Variants in TCF12 observed in about 807,000 individuals in gnomAD.
TCF12 encodes the protein DNA-binding protein HTF4.
A neutral mutation model predicts 86.0 loss-of-function variants in TCF12; 45 were observed. That is an observed-to-expected ratio of 0.52 (90% CI 0.41 to 0.67). TCF12 has a LOEUF of 0.67. Among genes scored for constraint, TCF12 ranks in the 30% least tolerant of loss-of-function variants. The pLI, the probability that TCF12 is intolerant of heterozygous loss-of-function variation, is 0.00. For missense variants in TCF12, 881 were observed against 859.9 expected, an observed-to-expected ratio of 1.02 and a Z score of -0.31; for synonymous variants, 330 against 299.6, an observed-to-expected ratio of 1.10 and a Z score of -1.05.
intron 4 of TCF12, among the ~76,000 whole-genome samples, chr15:57,072,201 C>A (rs1451446855): frequency 2.0e-5 from 3 of 152,030 alleles, no homozygotes; most frequent in South Asian, 2.1e-4. Flanking sequence ...TAAGAAATTT[C>A]ACAAAGGGGA....
rs34069853 is a variant in TCF12, at chr15:57,086,705, TAAA to T, written c.223-5066_223-5064del. 1.6e-3 allele frequency among the ~76,000 whole-genome samples: 165 copies of T among 105,570 alleles called. 2 individuals carry two copies. Among genetic ancestry groups the T allele is most frequent in the African/African-American group, 4.1e-3 (117 of 28,542 alleles). 69.3% of individuals were successfully genotyped at this position (105,570 alleles called of 152,430 possible). On this transcript the variant is annotated intron_variant, in intron 4 of 20. Transcript: ENST00000333725. The stretch of plus-strand genomic sequence containing the variant: ...TTCAAAGAGCCTCTTTCCCTCCCTT[TAAA>T]AAAAAAAAAAAAAAAAAGGCCATTG...
At chr15:56,930,412 C>G (rs1201188705) in intron 3 of TCF12, among the ~76,000 whole-genome samples, 3 of 152,184 alleles carry the variant, frequency 2.0e-5, no homozygotes, top group Non-Finnish European at 4.4e-5. Context: ...CTGCAGGATC[C>G]TTTTAGGTTT....
rs147746433 is a variant in TCF12 at position 57,178,190 on chromosome 15, A to G, written c.390+11724A>G. On this transcript the variant is annotated intron_variant, in intron 6 of 20. Coordinates refer to ENST00000333725, the MANE Select transcript of TCF12 (RefSeq NM_207037.2). ...GTAACAAGGGGTAGGAGATGGCAGA[A>G]CAAATGAAGCCGGAACAACAGAATG... Among the ~76,000 whole-genome samples, 6 of 152,340 alleles carry G rather than the reference A, an allele frequency of 3.9e-5. No homozygotes were observed. The East Asian group carries it at 1.2e-3, about 29-fold the overall frequency.
Position 57,253,297 on chromosome 15 carries a change from T to G in TCF12, c.1296T>G (p.Asp432Glu). Residue 432 changes from aspartate to glutamate, a missense_variant, in exon 16 of 21, where the codon GAT (aspartate) becomes GAG (glutamate). Transcript: ENST00000333725. Reference sequence around the variant, plus strand: ...TGGAGGATCGTTTAGACAGACTGGATGATGCAATCCATGTGCTGCGGAACC... The same window carrying G: ...TGGAGGATCGTTTAGACAGACTGGAGGATGCAATCCATGTGCTGCGGAACC... Reference protein sequence around the residue: ...SRMEDRLDRLDDAIHVLRNHA... With the variant: ...SRMEDRLDRLEDAIHVLRNHA... 2 of 1,614,030 alleles carry G rather than the reference T, an allele frequency of 1.2e-6. No homozygotes were observed. Among genetic ancestry groups the G allele is most frequent in the South Asian group, 2.2e-5 (2 of 91,080 alleles).
chr15:57,227,451 A>G (rs1280186716), intron 8 of TCF12, among the ~76,000 whole-genome samples: 1 of 152,120 alleles, frequency 6.6e-6, no homozygotes, highest in Non-Finnish European at 1.5e-5. Context: ...GTTTGACTCA[A>G]ATTTGTTGTA....
chr15:57,197,391 C>T (rs1316310415), intron 7 of TCF12, among the ~76,000 whole-genome samples: 2 of 152,176 alleles, frequency 1.3e-5, no homozygotes, highest in East Asian at 3.9e-4. Context: ...CTCCTGACCT[C>T]AGGTGATCCG....
intron 6 of TCF12, among the ~76,000 whole-genome samples, chr15:57,191,902 C>G (rs1449276360): frequency 6.6e-6 from 1 of 151,502 alleles, no homozygotes; most frequent in African/African-American, 2.4e-5. Flanking sequence ...CCACTACACT[C>G]CAGCCTGGGC....
In TCF12 at chr15:57,033,954, G is replaced by A. The variant is rs370896237; in HGVS notation, c.149-29796G>A. Among the ~76,000 whole-genome samples the A allele has an allele frequency of 5.3e-5, 8 of 152,276 alleles. No individual in the cohort carries two copies. The East Asian group carries it at 1.5e-3, about 29-fold the overall frequency. ...CTCTCTAAAAGAATGTTTACCTAAA[G>A]CTATTCATCCTGCAGACTTGTTTAA... On this transcript the variant is annotated intron_variant, in intron 3 of 20. Coordinates refer to ENST00000333725, the MANE Select transcript of TCF12 (RefSeq NM_207037.2).
chr15:57,158,257 C>T (rs2054262976), intron 5 of TCF12, among the ~76,000 whole-genome samples: 2 of 147,214 alleles, frequency 1.4e-5, no homozygotes, highest in South Asian at 4.4e-4. Flanking sequence ...GGACTCACTG[C>T]AGCCTCGACT....
chr15:57,138,043 A>ATAAATAT (rs34159266), intron 5 of TCF12, among the ~76,000 whole-genome samples: 1 of 151,828 alleles, frequency 6.6e-6, no homozygotes, highest in Non-Finnish European at 1.5e-5. Flanking sequence ...GAAAAAAAAA[A>ATAAATAT]AAATAAAGTA....
In TCF12 at chr15:57,166,445, T is replaced by C. The variant is rs2054900277; in HGVS notation, c.369T>C (p.Asp123=). The C allele has an allele frequency of 1.2e-6, 2 of 1,612,652 alleles. No individual in the cohort carries two copies. Among genetic ancestry groups the C allele is most frequent in the Non-Finnish European group, 8.5e-7 (1 of 1,179,512 alleles). The change falls in exon 6 of 21, where the codon GAT becomes GAC. Residue 123 remains aspartate (D), a synonymous_variant. Coordinates refer to ENST00000333725, the MANE Select transcript of TCF12 (RefSeq NM_207037.2). ...GCTCATTTTCCCTGTACAGCAGAGA[T>C]ACTGGATTACCAGGCTGTCAAGTAA... ...ERGSFSLYSR[D]TGLPGCQSSL... is the part of the protein sequence containing the mutation.
At chr15:57,228,186 T>A (rs1459283063) in intron 8 of TCF12, among the ~76,000 whole-genome samples, 1 of 152,104 alleles carries the variant, frequency 6.6e-6, no homozygotes, top group Non-Finnish European at 1.5e-5. Context: ...AGTTGTGCTT[T>A]GCCGCAAGAA....
At chr15:57,092,866 A>C (rs1380317801) in intron 5 of TCF12, among the ~76,000 whole-genome samples, 2 of 152,196 alleles carry the variant, frequency 1.3e-5, no homozygotes, top group Admixed American at 6.6e-5. Flanking sequence ...CTTTTAAGAC[A>C]CAGCCATACT....
intron 4 of TCF12, among the ~76,000 whole-genome samples, chr15:57,079,614 T>C (rs2070450047): frequency 6.6e-6 from 1 of 152,222 alleles, no homozygotes; most frequent in Non-Finnish European, 1.5e-5. Flanking sequence ...TGTGATTTTA[T>C]TCAATTCTAG....
intron 5 of TCF12, among the ~76,000 whole-genome samples, chr15:57,123,968 C>CAACAAAAAAAAAAA (rs1369376179): frequency 1.2e-5 from 1 of 81,094 alleles, no homozygotes; most frequent in African/African-American, 4.1e-5. Flanking sequence ...GACTCCGTCT[C>CAACAAAAAAAAAAA]AAAAAAAAAA....
chr15:57,177,608 C>CAGAGAGAGAGGG (rs2056023847), intron 6 of TCF12, among the ~76,000 whole-genome samples: 1 of 122,962 alleles, frequency 8.1e-6, no homozygotes, highest in Non-Finnish European at 1.7e-5. Flanking sequence ...GTTAAAAGGC[C>CAGAGAGAGAGGG]AGAGAGAGAG....
chr15:57,224,645 C>T (rs1201261497), intron 8 of TCF12, among the ~76,000 whole-genome samples: 3 of 151,890 alleles, frequency 2.0e-5, no homozygotes, highest in African/African-American at 7.3e-5. Flanking sequence ...ATTTTATTTT[C>T]CCTGGAAAAT....
chr15:57,265,145 A>G (rs1329041080), intron 18 of TCF12, among the ~76,000 whole-genome samples: 1 of 150,648 alleles, frequency 6.6e-6, no homozygotes, highest in East Asian at 2.0e-4. Context: ...TAAATACATA[A>G]ACCAATAACA....
At position 57,198,161 on chromosome 15, in the gene TCF12, G is replaced by A. The variant is rs926385989; in HGVS notation, c.579+336G>A. 2.6e-5 allele frequency among the ~76,000 whole-genome samples: 4 copies of A among 152,294 alleles called. No homozygotes were observed. The Middle Eastern group carries it at 0.01, about 389-fold the overall frequency. On this transcript the variant is annotated intron_variant, in intron 8 of 20. Coordinates refer to ENST00000333725, the MANE Select transcript of TCF12 (RefSeq NM_207037.2). ...AATTAGTCATTATGTTGCTGAACAG[G>A]AGGACAGACAGAGATTAATAGCTGA...
Sources: gnomAD v4.1 joint callset for allele counts (sites outside exome capture counted in the v4.1 genomes callset) on GRCh38, gnomAD v4.1.1 for gene constraint, MANE v1.5 for transcripts, NCBI Gene and HGNC (gene_info 2026-07-23, HGNC 2026-07-21) for gene names.